TBC1D14: variants seen among roughly 807,000 people sequenced by gnomAD.
TBC1D14 encodes TBC1 domain family member 14.
Under a neutral mutation model 79.0 loss-of-function variants are expected in TBC1D14, and 26 were observed. The ratio of observed to expected loss-of-function variants is 0.33; its 90% CI spans 0.24 to 0.46. The LOEUF (loss-of-function observed/expected upper bound fraction) is 0.46. Among genes scored for constraint, TBC1D14 ranks in the 20% least tolerant of loss-of-function variants. The pLI is 1.00. For missense variants in TBC1D14, 769 were observed against 887.6 expected (o/e 0.87, Z 1.70); for synonymous variants, 394 against 349.9 (o/e 1.13, Z -1.40).
rs1363184763 is a variant in TBC1D14, at chr4:6,925,047, CTT to C, written c.722+938_722+939del. Among the ~76,000 whole-genome samples, 8 of 152,238 alleles carry C rather than the reference CTT, an allele frequency of 5.3e-5. No homozygotes were observed. The South Asian group carries it at 1.7e-3, about 32-fold the overall frequency. On this transcript the variant is annotated intron_variant, in intron 2 of 13. Coordinates refer to ENST00000409757, the MANE Select transcript of TBC1D14 (RefSeq NM_020773.3). ...GTGGGTCACTCCTGTAATCTCAACA[CTT>C]TGGGAGGCTGAGGTGGGTGGAGCAC... is the stretch of plus-strand genomic sequence containing the variant.
rs1717971574 is a variant in TBC1D14, at chr4:6,987,401, T to C, written c.844-6783T>C. On this transcript the variant is annotated intron_variant, in intron 3 of 13. Transcript: ENST00000409757. ...CTCCCTGCGCCCCAGGCCTGCCCGG[T>C]CCCGTGGGCCTGTCCTGTCCTGGGC... 5 of 1,371,410 alleles carry C rather than the reference T, an allele frequency of 3.6e-6. No individual in the cohort carries two copies. In the African/African-American group the frequency reaches 6.0e-5, roughly 16 times the overall value. The allele number at this position is 1,371,410 out of a possible 1,614,324, so 85.0% of individuals were successfully genotyped here. A position where few individuals can be genotyped will look rare whatever the true frequency, so the allele number is the denominator to read the frequency against.
chr4:6,940,718 A>G (rs1712821807), intron 2 of TBC1D14, among the ~76,000 whole-genome samples: 1 of 152,196 alleles, frequency 6.6e-6, no homozygotes, highest in African/African-American at 2.4e-5. Flanking sequence ...GAGTGCAGTC[A>G]TAGAGCCAAA....
intron 3 of TBC1D14, among the ~76,000 whole-genome samples, chr4:6,985,332 G>T (rs1717726512): frequency 6.6e-6 from 1 of 152,122 alleles, no homozygotes; most frequent in Non-Finnish European, 1.5e-5. Context: ...TTTGTGTATT[G>T]CCTTAATTAT....
At chr4:6,968,145 G>A (rs1469592703) in intron 3 of TBC1D14, among the ~76,000 whole-genome samples, 1 of 152,034 alleles carries the variant, frequency 6.6e-6, no homozygotes, top group Admixed American at 6.6e-5. Context: ...CAGCACCCTC[G>A]CTCCTCCAGC....
chr4:7,013,234 G>A lies in TBC1D14; in HGVS notation c.1648-1214G>A, dbSNP rs1194091128. On this transcript the variant is annotated intron_variant, in intron 11 of 13. Coordinates refer to ENST00000409757, the MANE Select transcript of TBC1D14 (RefSeq NM_020773.3). Reference sequence around the variant, plus strand: ...CCTGTGCGCTGGAGGATGCTAAGCAGCTTGCCAGCCTCCATATCCCCGTGC... The same window carrying A: ...CCTGTGCGCTGGAGGATGCTAAGCAACTTGCCAGCCTCCATATCCCCGTGC... 2.0e-5 allele frequency among the ~76,000 whole-genome samples: 3 copies of A among 152,250 alleles called. No individual in the cohort carries two copies. In the East Asian group the frequency reaches 5.8e-4, roughly 29 times the overall value.
chr4:6,947,084 G>A (rs934087096), intron 2 of TBC1D14, among the ~76,000 whole-genome samples: 15 of 152,148 alleles, frequency 9.9e-5, no homozygotes, highest in African/African-American at 1.7e-4. Context: ...AAGTTAGGCC[G>A]GCGCAGTGGC....
intron 11 of TBC1D14, among the ~76,000 whole-genome samples, chr4:7,013,981 C>A (rs1721040431): frequency 6.6e-6 from 1 of 152,210 alleles, no homozygotes; most frequent in Non-Finnish European, 1.5e-5. Flanking sequence ...GATCTCCTGA[C>A]CTCATGATCC....
chr4:6,992,447 G>A (rs1718599773), intron 3 of TBC1D14, among the ~76,000 whole-genome samples: 1 of 152,172 alleles, frequency 6.6e-6, no homozygotes, highest in Admixed American at 6.5e-5. Flanking sequence ...TTTAAAATGG[G>A]TAACACTTGC....
intron 4 of TBC1D14, among the ~76,000 whole-genome samples, chr4:6,996,115 C>G (rs6840780): frequency 6.6e-6 from 1 of 152,136 alleles, no homozygotes; most frequent in Admixed American, 6.5e-5. Flanking sequence ...GGATTGCAGG[C>G]GTGAGCCACA....
At chr4:6,954,943 A>G (rs1714487770) in intron 2 of TBC1D14, among the ~76,000 whole-genome samples, 1 of 152,222 alleles carries the variant, frequency 6.6e-6, no homozygotes, top group South Asian at 2.1e-4. Context: ...CTTGAGTAGC[A>G]TTTTCTGAAA....
At chr4:6,991,700 A>G (rs1289198974) in intron 3 of TBC1D14, among the ~76,000 whole-genome samples, 1 of 151,860 alleles carries the variant, frequency 6.6e-6, no homozygotes, top group Non-Finnish European at 1.5e-5. Flanking sequence ...GCTGGTGTGG[A>G]GGAAATGGAG....
intron 3 of TBC1D14, among the ~76,000 whole-genome samples, chr4:6,986,349 A>G (rs934028518): frequency 1.6e-4 from 25 of 152,246 alleles, no homozygotes; most frequent in African/African-American, 5.8e-4. Flanking sequence ...GGTGGGTTCC[A>G]GGGAGTATGG....
intron 2 of TBC1D14, among the ~76,000 whole-genome samples, chr4:6,924,432 CTT>C (rs1262622744): frequency 2.6e-5 from 4 of 152,192 alleles, no homozygotes; most frequent in Non-Finnish European, 4.4e-5. Flanking sequence ...GCACTCATAA[CTT>C]AACGTTTCTT....
intron 11 of TBC1D14, among the ~76,000 whole-genome samples, chr4:7,014,175 C>T (rs560611002): frequency 6.6e-6 from 1 of 152,320 alleles, no homozygotes; most frequent in South Asian, 2.1e-4. Context: ...AGCTTGTGCC[C>T]TTATTTGGCA....
At chr4:6,959,763 G>A (rs1023931866) in intron 2 of TBC1D14, among the ~76,000 whole-genome samples, 13 of 152,188 alleles carry the variant, frequency 8.5e-5, no homozygotes, top group African/African-American at 3.1e-4. Flanking sequence ...CTGAATACTT[G>A]CATTTCTTCT....
At chr4:7,000,851 C>T (rs114971516) in intron 6 of TBC1D14, among the ~76,000 whole-genome samples, 175 of 152,322 alleles carry the variant, frequency 1.1e-3, no homozygotes, top group African/African-American at 4.1e-3. Context: ...AAAGTCCTCC[C>T]CATCCTTCAT....
intron 2 of TBC1D14, among the ~76,000 whole-genome samples, chr4:6,925,824 A>G (rs181064125): frequency 2.6e-5 from 4 of 152,320 alleles, no homozygotes; most frequent in East Asian, 1.9e-4. Flanking sequence ...AGTGTGTTCA[A>G]CTGTCCCTGC....
At chr4:7,000,967 T>C (rs990953361) in intron 6 of TBC1D14, among the ~76,000 whole-genome samples, 178 bp from the exon 7 acceptor site, 5 of 152,136 alleles carry the variant, frequency 3.3e-5, no homozygotes, top group Admixed American at 6.5e-5. Context: ...CAGCTGCCAG[T>C]GGAAGGGGAT....
intron 3 of TBC1D14, among the ~76,000 whole-genome samples, chr4:6,984,993 G>T (rs1717694430): frequency 6.6e-6 from 1 of 152,162 alleles, no homozygotes; most frequent in African/African-American, 2.4e-5. Flanking sequence ...AAAGCCCCTG[G>T]GAGCTTTTGA....
Sources: allele counts gnomAD v4.1 joint callset (sites outside exome capture counted in the v4.1 genomes callset), GRCh38; gene constraint gnomAD v4.1.1; transcripts MANE v1.5; gene names NCBI Gene and HGNC (gene_info 2026-07-23, HGNC 2026-07-21).